The following RASGEF1C variants were observed in gnomAD, a reference collection of about 807,000 sequenced individuals.
The protein encoded by RASGEF1C is ras-GEF domain-containing family member 1C.
RASGEF1C carries 27 observed loss-of-function variants against 58.1 expected under a neutral mutation model. The ratio of observed to expected loss-of-function variants is 0.46; its 90% CI spans 0.34 to 0.64. The LOEUF (loss-of-function observed/expected upper bound fraction) is 0.64, where lower values mean the gene tolerates loss of function less well. Ranked by LOEUF, RASGEF1C falls within the 30% of genes least tolerant of loss-of-function variation. The pLI, the probability that RASGEF1C is intolerant of heterozygous loss-of-function variation, is 0.01. For synonymous variants in RASGEF1C, 243 were observed against 246.3 expected (o/e 0.99, Z 0.13); for missense variants, 502 against 605.1 (o/e 0.83, Z 1.79).
intron 1 of RASGEF1C, among the ~76,000 whole-genome samples, chr5:180,151,699 A>G (rs1177550967): frequency 3.9e-5 from 6 of 152,024 alleles, no homozygotes; most frequent in African/African-American, 1.4e-4. Context: ...AATGGCAACA[A>G]AAGCCAAAAT....
At chr5:180,127,514 C>A in intron 6 of RASGEF1C, 95 bp downstream of exon 6, 1 of 1,280,592 alleles carries the variant, frequency 7.8e-7, no homozygotes. Flanking sequence ...CTGGGCCACT[C>A]CAGCGCTCGC....
chr5:180,202,932 G>A (rs910321570), intron 1 of RASGEF1C, among the ~76,000 whole-genome samples: 1 of 152,000 alleles, frequency 6.6e-6, no homozygotes, highest in Non-Finnish European at 1.5e-5. Flanking sequence ...TCGATCTCCT[G>A]ACCTCGTGAT....
intron 1 of RASGEF1C, 133 bp downstream of exon 1, chr5:180,208,895 C>A (rs1756543821): frequency 6.7e-6 from 1 of 149,000 alleles, no homozygotes; most frequent in Non-Finnish European, 1.5e-5. Flanking sequence ...CTGACCCCGG[C>A]GCACGCTCCC....
intron 1 of RASGEF1C, among the ~76,000 whole-genome samples, chr5:180,163,255 A>ATTTTTTTTTTTTTTTTTTTT (rs1766973565): frequency 2.6e-4 from 3 of 11,734 alleles, no homozygotes; most frequent in African/African-American, 2.6e-4. Context: ...TTTTTTTTCC[A>ATTTTTTTTTTTTTTTTTTTT]GCCTATTGCA....
intron 7 of RASGEF1C, among the ~76,000 whole-genome samples, chr5:180,119,652 T>TG (rs780860315): frequency 3.3e-5 from 5 of 152,074 alleles, no homozygotes; most frequent in Non-Finnish European, 7.4e-5. Flanking sequence ...GTGGGCCCGG[T>TG]GGGGGCACGG....
chr5:180,123,552 G>T (rs1346487980), intron 6 of RASGEF1C, among the ~76,000 whole-genome samples: 1 of 152,032 alleles, frequency 6.6e-6, no homozygotes, highest in Non-Finnish European at 1.5e-5. Flanking sequence ...AAAACTTGGA[G>T]GCTGTAAATA....
intron 1 of RASGEF1C, among the ~76,000 whole-genome samples, chr5:180,178,253 G>A (rs1313346433): frequency 7.0e-6 from 1 of 142,252 alleles, no homozygotes; most frequent in Non-Finnish European, 1.5e-5. Flanking sequence ...GATTACACGT[G>A]TGAGCCACTG....
intron 1 of RASGEF1C, among the ~76,000 whole-genome samples, chr5:180,199,753 C>T (rs995874549): frequency 3.6e-5 from 5 of 140,630 alleles, no homozygotes; most frequent in Non-Finnish European, 6.2e-5. Flanking sequence ...TAGCCTTGAA[C>T]CCCTGACCTC....
chr5:180,196,287 G>A (rs1298661299), intron 1 of RASGEF1C, among the ~76,000 whole-genome samples: 1 of 152,070 alleles, frequency 6.6e-6, no homozygotes, highest in African/African-American at 2.4e-5. Context: ...ATCACTTGAG[G>A]TCAGGAGTTC....
intron 1 of RASGEF1C, among the ~76,000 whole-genome samples, chr5:180,183,651 T>A (rs998026752): frequency 1.3e-5 from 2 of 151,512 alleles, no homozygotes; most frequent in African/African-American, 4.9e-5. Context: ...ATGGAGAAAT[T>A]CCGTCTCTAC....
chr5:180,175,121 C>T (rs1439714207), intron 1 of RASGEF1C, among the ~76,000 whole-genome samples: 1 of 152,164 alleles, frequency 6.6e-6, no homozygotes, highest in African/African-American at 2.4e-5. Flanking sequence ...CTGGAAGACA[C>T]TCCAGACCAG....
At chr5:180,114,059 G>A (rs1384492967) in intron 11 of RASGEF1C, among the ~76,000 whole-genome samples, 4 of 152,128 alleles carry the variant, frequency 2.6e-5, no homozygotes, top group East Asian at 3.9e-4. Context: ...GCCTGATAGC[G>A]TCCTCCTGCT....
At chr5:180,160,095 C>T (rs964570042) in intron 1 of RASGEF1C, among the ~76,000 whole-genome samples, 37 of 152,222 alleles carry the variant, frequency 2.4e-4, no homozygotes, top group Admixed American at 6.5e-4. Context: ...GTTTATCCCA[C>T]GGAAGGTGCA....
chr5:180,175,894 A>C (rs1767216916), intron 1 of RASGEF1C, among the ~76,000 whole-genome samples: 1 of 152,226 alleles, frequency 6.6e-6, no homozygotes, highest in African/African-American at 2.4e-5. Context: ...AGGCTGAGGC[A>C]GGAGAATGGC....
At chr5:180,164,152 T>C (rs1766986059) in intron 1 of RASGEF1C, among the ~76,000 whole-genome samples, 1 of 152,238 alleles carries the variant, frequency 6.6e-6, no homozygotes, top group South Asian at 2.1e-4. Flanking sequence ...TTGTCAATTG[T>C]ATTGATCTTT....
intron 1 of RASGEF1C, among the ~76,000 whole-genome samples, chr5:180,192,801 G>A (rs1756189380): frequency 1.3e-5 from 2 of 151,702 alleles, no homozygotes; most frequent in Admixed American, 1.3e-4. Context: ...CTGGAGTGCA[G>A]TGTCGCAATC....
In RASGEF1C at chr5:180,155,725, G is replaced by A. The variant is rs1275939003; in HGVS notation, c.-6-17667C>T. Among the ~76,000 whole-genome samples, 2 of 151,914 alleles carry A rather than the reference G, an allele frequency of 1.3e-5. No individual in the cohort carries two copies. The highest frequency in any genetic ancestry group is 6.6e-5 in the Admixed American group (1 of 15,260). On this transcript the variant is annotated intron_variant, in intron 1 of 13. Transcript: ENST00000361132. The surrounding 1 kb of genome is among the most constrained non-coding windows in gnomAD (Gnocchi z 5.2). ...ATCCTGTCCCTTACTCTTGGCCCAC[G>A]TTCTCAATTACGTCCTGAGAACATA...
chr5:180,135,907 CT>C (rs946385979), intron 4 of RASGEF1C, among the ~76,000 whole-genome samples: 74 of 152,376 alleles, frequency 4.9e-4, no homozygotes, highest in African/African-American at 1.6e-3. Flanking sequence ...GGCCATTTTC[CT>C]TGCTACTGTT....
chr5:180,176,499 T>C (rs915815220), intron 1 of RASGEF1C, among the ~76,000 whole-genome samples: 5 of 151,480 alleles, frequency 3.3e-5, no homozygotes, highest in Non-Finnish European at 1.5e-5. Context: ...AGGCTGCCTG[T>C]GCGGGCCCAG....
Sources: allele counts gnomAD v4.1 joint callset (sites outside exome capture counted in the v4.1 genomes callset), GRCh38; gene constraint gnomAD v4.1.1; non-coding constraint Gnocchi (gnomAD v3.1); transcripts MANE v1.5; gene names NCBI Gene and HGNC (gene_info 2026-07-23, HGNC 2026-07-21).